TFB1M: variants seen among roughly 807,000 people sequenced by gnomAD.
TFB1M encodes dimethyladenosine transferase 1, mitochondrial.
TFB1M carries 27 observed loss-of-function variants against 31.1 expected under a neutral mutation model. The observed-to-expected ratio is 0.87, with a 90% CI of 0.64 to 1.20. TFB1M has a LOEUF of 1.20. Ranked by LOEUF, TFB1M falls within the 50% of genes most tolerant of loss-of-function variation. The probability of loss-of-function intolerance (pLI) is 0.00; values close to 1 mark genes in which losing one functional copy is unlikely to be tolerated. For synonymous variants in TFB1M, 166 were observed against 151.8 expected (o/e 1.09, Z -0.69); for missense variants, 394 against 418.7 (o/e 0.94, Z 0.51).
the TFB1M span, among the ~76,000 whole-genome samples, chr6:155,249,009 T>A: frequency 6.6e-6 from 1 of 152,254 alleles, no homozygotes; most frequent in African/African-American, 2.4e-5. Context: ...GACAGTTAAC[T>A]TCTATAAGTA....
At chr6:155,273,243 G>C (rs1234226610) in intron 5 of TFB1M, among the ~76,000 whole-genome samples, 1 of 152,152 alleles carries the variant, frequency 6.6e-6, no homozygotes, top group Non-Finnish European at 1.5e-5. Context: ...TATGATAGCA[G>C]GTGAATCCTA....
chr6:155,313,759 A>G (rs2114826041), intron 1 of TFB1M, among the ~76,000 whole-genome samples: 1 of 152,304 alleles, frequency 6.6e-6, no homozygotes, highest in East Asian at 1.9e-4. Context: ...CGGCACTAGC[A>G]CAATGTTGCT....
chr6:155,266,146 C>T (rs1220527371), intron 5 of TFB1M, among the ~76,000 whole-genome samples: 1 of 152,280 alleles, frequency 6.6e-6, no homozygotes, highest in Non-Finnish European at 1.5e-5. Flanking sequence ...TACTTTGTAT[C>T]CTTCAATCCA....
downstream of TFB1M, chr6:155,254,815 T>A: frequency 2.1e-6 from 1 of 471,430 alleles, no homozygotes; most frequent in East Asian, 3.5e-5. Context: ...TACGATTTTG[T>A]TTCTTCCACT....
the TFB1M span, among the ~76,000 whole-genome samples, chr6:155,241,392 G>GC: frequency 6.6e-6 from 1 of 152,220 alleles, no homozygotes; most frequent in East Asian, 1.9e-4. Context: ...TACTGAAGCA[G>GC]CGCGGCACGG....
At chr6:155,240,300 T>C in the TFB1M span, among the ~76,000 whole-genome samples, 3 of 152,252 alleles carry the variant, frequency 2.0e-5, no homozygotes, top group Admixed American at 6.5e-5. Context: ...GATGTGACAA[T>C]GGAGAGCCTC....
At chr6:155,308,474 C>T (rs560900450) in intron 2 of TFB1M, among the ~76,000 whole-genome samples, 1 of 152,246 alleles carries the variant, frequency 6.6e-6, no homozygotes, top group South Asian at 2.1e-4. Flanking sequence ...TACACTGAAT[C>T]CTCATATGAG....
chr6:155,240,824 G>T, the TFB1M span: 3 of 1,077,742 alleles, frequency 2.8e-6, no homozygotes, highest in Non-Finnish European at 3.9e-6. Flanking sequence ...CCCAGGGGGG[G>T]ACACCTGCTC....
the TFB1M span, chr6:155,247,966 G>A: frequency 2.3e-5 from 37 of 1,600,800 alleles, no homozygotes; most frequent in Non-Finnish European, 3.1e-5. Context: ...ACCCCACTGT[G>A]CTCTTCTGAG....
At chr6:155,281,190 CATTG>C (rs558540540) in intron 5 of TFB1M, among the ~76,000 whole-genome samples, 117 of 152,290 alleles carry the variant, frequency 7.7e-4, no homozygotes, top group African/African-American at 2.7e-3. Flanking sequence ...AGGCACTCTG[CATTG>C]ATTATTTCTA....
chr6:155,252,961 G>T, downstream of TFB1M: 1 of 1,613,946 alleles, frequency 6.2e-7, no homozygotes. Context: ...TCGAATTCCC[G>T]GCCTGCACAC....
At chr6:155,290,034 CT>C (rs538808878) in intron 4 of TFB1M, among the ~76,000 whole-genome samples, 1 of 151,994 alleles carries the variant, frequency 6.6e-6, no homozygotes, top group Non-Finnish European at 1.5e-5. Context: ...CCAATTAAAC[CT>C]TTTTTTTAAA....
chr6:155,272,348 G>A (rs943750459), intron 5 of TFB1M, among the ~76,000 whole-genome samples: 1 of 152,150 alleles, frequency 6.6e-6, no homozygotes, highest in Non-Finnish European at 1.5e-5. Flanking sequence ...ACATTTTAGT[G>A]AAATCTACAA....
At chr6:155,249,640 A>G in the TFB1M span, among the ~76,000 whole-genome samples, 11 of 152,336 alleles carry the variant, frequency 7.2e-5, no homozygotes, top group African/African-American at 1.7e-4. Context: ...CTCATTTCAA[A>G]AAGAATTTGA....
the TFB1M span, chr6:155,244,557 G>T: frequency 7.2e-7 from 1 of 1,395,096 alleles, no homozygotes; most frequent in Non-Finnish European, 9.8e-7. Flanking sequence ...CTGCTTTTCC[G>T]TGAAGAATTT....
In TFB1M at chr6:155,258,021, T is replaced by C. The variant is rs927968989; in HGVS notation, c.856A>G (p.Ile286Val). 1.2e-6 allele frequency: 2 copies of C among 1,614,122 alleles called. No homozygotes were observed. Among genetic ancestry groups the C allele is most frequent in the Non-Finnish European group, 1.7e-6 (2 of 1,180,036 alleles). Residue 286 changes from isoleucine to valine, a missense_variant, in exon 7 of 7, where the codon ATA becomes GTA. Around this residue, in one of 3 missense-constraint regions of TFB1M, gnomAD observed 115 missense variants for 144.1 expected, o/e 0.80. Transcript: ENST00000367166. ...TGGCGGGGCCGAAGAGTAGGGTCTATGTCTGCCAACTCTAACAGCCTGCCC... is the reference window on the plus strand; with the variant it reads ...TGGCGGGGCCGAAGAGTAGGGTCTACGTCTGCCAACTCTAACAGCCTGCCC... ...STGRLLELAD[I>V]DPTLRPRQLS...
chr6:155,292,568 C>T (rs536589962), intron 4 of TFB1M, among the ~76,000 whole-genome samples: 4 of 152,006 alleles, frequency 2.6e-5, no homozygotes, highest in Non-Finnish European at 5.9e-5. Flanking sequence ...ACCCTGGATC[C>T]ACCAGAACAA....
chr6:155,253,626 C>G (rs1583293178), downstream of TFB1M: 1 of 199,630 alleles, frequency 5.0e-6, no homozygotes, highest in East Asian at 1.3e-4. Context: ...CCTCTTTTAC[C>G]TCAAGTACCC....
downstream of TFB1M, chr6:155,251,930 TTTTCC>T (rs2115354369): frequency 6.3e-7 from 1 of 1,590,904 alleles, no homozygotes; most frequent in Non-Finnish European, 8.6e-7. Flanking sequence ...TTTCTTTCTC[TTTTCC>T]TTTCTTTAGT....
Sources: gnomAD v4.1 joint callset for allele counts (sites outside exome capture counted in the v4.1 genomes callset) on GRCh38, gnomAD v4.1.1 for gene constraint, gnomAD v4.1.1 regional missense constraint, MANE v1.5 for transcripts, NCBI Gene and HGNC (gene_info 2026-07-23, HGNC 2026-07-21) for gene names.